The following CTNND2 variants were observed in gnomAD, a reference collection of about 807,000 sequenced individuals.
The protein encoded by CTNND2 is catenin delta 2.
A neutral mutation model predicts 144.4 loss-of-function variants in CTNND2; 22 were observed. The observed-to-expected ratio is 0.15, with a 90% CI of 0.11 to 0.22. CTNND2 has a LOEUF of 0.22. Ranked by LOEUF, CTNND2 falls within the 10% of genes least tolerant of loss-of-function variation. CTNND2 has a pLI of 1.00. For missense variants in CTNND2, 1,353 were observed against 1,618.8 expected (o/e 0.84, Z 2.82); for synonymous variants, 751 against 695.6 (o/e 1.08, Z -1.25).
chr5:11,292,711 T>A (rs1181074437), intron 9 of CTNND2, among the ~76,000 whole-genome samples: 2 of 152,192 alleles, frequency 1.3e-5, no homozygotes, highest in Admixed American at 1.3e-4. Context: ...CTTTTCTTTA[T>A]AAATTACCCA....
chr5:11,514,961 TA>T (rs893595148), intron 3 of CTNND2, among the ~76,000 whole-genome samples: 48 of 152,246 alleles, frequency 3.2e-4, no homozygotes, highest in African/African-American at 1.1e-3. Context: ...CACATTTCTA[TA>T]AAAACATGCA....
intron 3 of CTNND2, among the ~76,000 whole-genome samples, chr5:11,506,107 G>A (rs1353130325): frequency 2.6e-5 from 4 of 152,134 alleles, no homozygotes; most frequent in African/African-American, 4.8e-5. Context: ...CTCAGGAAAG[G>A]TTTGTAGGAT....
chr5:11,762,667 C>T (rs1789337970), intron 1 of CTNND2, among the ~76,000 whole-genome samples: 1 of 152,138 alleles, frequency 6.6e-6, no homozygotes, highest in African/African-American at 2.4e-5. Context: ...CTGAGTTTAA[C>T]CCAGGCCTTC....
chr5:11,749,133 C>A (rs1224386923), intron 1 of CTNND2, among the ~76,000 whole-genome samples: 1 of 151,996 alleles, frequency 6.6e-6, no homozygotes, highest in Non-Finnish European at 1.5e-5. Flanking sequence ...GACAGCAGAT[C>A]TTCCAGTCCC....
chr5:11,396,815 T>A (rs1481494530), intron 6 of CTNND2, among the ~76,000 whole-genome samples: 1 of 152,202 alleles, frequency 6.6e-6, no homozygotes, highest in Non-Finnish European at 1.5e-5. Flanking sequence ...ACATAGATAT[T>A]TCTAAAGAAA....
At chr5:11,808,796 C>A (rs1167038845) in intron 1 of CTNND2, among the ~76,000 whole-genome samples, 1 of 152,144 alleles carries the variant, frequency 6.6e-6, no homozygotes, top group East Asian at 1.9e-4. Flanking sequence ...CTACTATTTT[C>A]TTAGTAAAAA....
chr5:11,276,843 G>A (rs911714017), intron 9 of CTNND2, among the ~76,000 whole-genome samples: 2 of 151,284 alleles, frequency 1.3e-5, no homozygotes, highest in Admixed American at 1.3e-4. Flanking sequence ...GGAGATTGGA[G>A]TGGTGAGGCC....
chr5:11,206,481 T>C (rs1390360268), intron 10 of CTNND2, among the ~76,000 whole-genome samples: 1 of 152,170 alleles, frequency 6.6e-6, no homozygotes, highest in Non-Finnish European at 1.5e-5. Context: ...GTTTCTTTTC[T>C]AAAGACACCA....
intron 1 of CTNND2, among the ~76,000 whole-genome samples, chr5:11,796,801 A>G (rs1791429815): frequency 6.6e-6 from 1 of 152,250 alleles, no homozygotes; most frequent in Non-Finnish European, 1.5e-5. Context: ...CATTTTTATA[A>G]CAAAACAGTA....
chr5:11,608,349 C>T (rs1780162623), intron 2 of CTNND2, among the ~76,000 whole-genome samples: 3 of 152,166 alleles, frequency 2.0e-5, no homozygotes, highest in Non-Finnish European at 2.9e-5. Context: ...GCCTACTTCC[C>T]ATCTCCACTG....
intron 7 of CTNND2, among the ~76,000 whole-genome samples, chr5:11,382,545 C>T (rs887493706): frequency 6.6e-6 from 1 of 150,916 alleles, no homozygotes; most frequent in Admixed American, 6.6e-5. Flanking sequence ...TTGCAGTGAG[C>T]CGAGATCGCA....
chr5:11,732,252 G>A lies in CTNND2; in HGVS notation c.58C>T (p.Gln20Ter), dbSNP rs1432279095. 6.2e-7 allele frequency: 1 copy of A among 1,613,694 alleles called. No individual in the cohort carries two copies. The highest frequency in any genetic ancestry group is 8.5e-7 in the Non-Finnish European group (1 of 1,179,736). The change falls in exon 2 of 22, where the codon CAG becomes TAG. Residue 20 changes from glutamine (Q) to a stop codon, truncating the protein, a stop_gained. Coordinates refer to ENST00000304623, the MANE Select transcript of CTNND2 (RefSeq NM_001332.4). LOFTEE classifies it high-confidence loss of function. ...APLGAMPVPD[Q>*]PSSASEKTSS... The stretch of plus-strand genomic sequence containing the variant: ...GTCTTCTCTGAGGCTGATGAAGGCT[G>A]GTCTGGAACAGGCATAGCTCCTGCA...
chr5:11,051,867 T>C (rs1449952752), intron 16 of CTNND2, among the ~76,000 whole-genome samples: 1 of 152,190 alleles, frequency 6.6e-6, no homozygotes. Context: ...AAAATAAAAT[T>C]TGATTTTAAA....
intron 3 of CTNND2, among the ~76,000 whole-genome samples, chr5:11,520,292 A>G (rs1397876190): frequency 6.6e-6 from 1 of 152,158 alleles, no homozygotes; most frequent in East Asian, 1.9e-4. Flanking sequence ...CTGCCCCTCA[A>G]TGGTTGACTC....
intron 14 of CTNND2, among the ~76,000 whole-genome samples, chr5:11,104,941 T>TG (rs986393136): frequency 6.6e-6 from 1 of 152,166 alleles, no homozygotes; most frequent in Admixed American, 6.5e-5. Context: ...CCTCCTCCTG[T>TG]GGGGGGCCAC....
At chr5:11,088,743 A>G (rs1484912929) in intron 15 of CTNND2, among the ~76,000 whole-genome samples, 2 of 148,308 alleles carry the variant, frequency 1.3e-5, no homozygotes, top group Non-Finnish European at 3.0e-5. Flanking sequence ...CTTAGGTAGT[A>G]AGTTAACTAC....
chr5:11,879,747 A>C (rs1296079641), intron 1 of CTNND2, among the ~76,000 whole-genome samples: 1 of 152,156 alleles, frequency 6.6e-6, no homozygotes, highest in Non-Finnish European at 1.5e-5. Flanking sequence ...TATGCTATCC[A>C]ATTCTCAAAG....
rs534179985 is a variant in CTNND2 at position 11,596,178 on chromosome 5, T to A, written c.175-31122A>T. Among the ~76,000 whole-genome samples the A allele has an allele frequency of 3.9e-4, 60 of 152,316 alleles. No individual in the cohort carries two copies. The East Asian group carries it at 0.011, about 28-fold the overall frequency. On this transcript the variant is annotated intron_variant, in intron 2 of 21. Transcript: ENST00000304623. ...TCCTTTTCTAGACCTCAGGCATAAATTTAAGGCACTGTCTTCTAAGAAATA... is the reference window on the plus strand; with the variant it reads ...TCCTTTTCTAGACCTCAGGCATAAAATTAAGGCACTGTCTTCTAAGAAATA...
At chr5:11,468,625 G>T (rs149175279) in intron 3 of CTNND2, among the ~76,000 whole-genome samples, 1 of 152,094 alleles carries the variant, frequency 6.6e-6, no homozygotes, top group Non-Finnish European at 1.5e-5. Context: ...CTCCTGCGAG[G>T]CTTTAACGTT....
Sources: allele counts gnomAD v4.1 joint callset (sites outside exome capture counted in the v4.1 genomes callset), GRCh38; gene constraint gnomAD v4.1.1; transcripts MANE v1.5; gene names NCBI Gene and HGNC (gene_info 2026-07-23, HGNC 2026-07-21).